The following ALG12 variants were observed in gnomAD, a reference collection of about 807,000 sequenced individuals.
The protein encoded by ALG12 is dol-P-Man:Man(7)GlcNAc(2)-PP-Dol alpha-1,6-mannosyltransferase.
Under a neutral mutation model 46.0 loss-of-function variants are expected in ALG12, and 36 were observed. The ratio of observed to expected loss-of-function variants is 0.78; its 90% CI spans 0.60 to 1.03. The LOEUF is 1.03. Among genes scored for constraint, ALG12 ranks in the 50% least tolerant of loss-of-function variants. The pLI is 0.00. For synonymous variants in ALG12, 326 were observed against 291.6 expected, an observed-to-expected ratio of 1.12 and a Z score of -1.20; for missense variants, 599 against 633.5, an observed-to-expected ratio of 0.95 and a Z score of 0.58.
the ALG12 span, among the ~76,000 whole-genome samples, chr22:49,873,302 C>G: frequency 6.6e-6 from 1 of 152,160 alleles, no homozygotes. Context: ...GAGGATTAAT[C>G]GGCCTAATTC....
the ALG12 span, among the ~76,000 whole-genome samples, chr22:49,875,413 ATTTTCTTTTTTT>A: frequency 6.7e-5 from 7 of 105,104 alleles, no homozygotes; most frequent in Non-Finnish European, 1.6e-4. Context: ...TGCATAATTT[ATTTTCTTTTTTT>A]TTTTCTTTTT....
intron 3 of ALG12, 102 bp downstream of exon 3, chr22:49,913,283 A>C: frequency 6.4e-7 from 1 of 1,562,754 alleles, no homozygotes; most frequent in Non-Finnish European, 8.7e-7. Flanking sequence ...AGGCAAGACT[A>C]ACAGACAGCG....
the ALG12 span, chr22:49,887,151 T>C: frequency 6.2e-7 from 1 of 1,613,034 alleles, no homozygotes; most frequent in Non-Finnish European, 8.5e-7. Context: ...TGAAAGTGAA[T>C]CTTCCCTTAA....
chr22:49,873,400 A>G, the ALG12 span, among the ~76,000 whole-genome samples: 3 of 152,342 alleles, frequency 2.0e-5, no homozygotes, highest in East Asian at 3.9e-4. Flanking sequence ...GTCAGGACAC[A>G]CATTTATCAG....
chr22:49,884,660 G>T, the ALG12 span: 1 of 1,611,780 alleles, frequency 6.2e-7, no homozygotes, highest in East Asian at 2.2e-5. Context: ...CACATGTGGA[G>T]GGCACACCGC....
the ALG12 span, chr22:49,886,109 C>T: frequency 2.5e-5 from 17 of 681,566 alleles, no homozygotes; most frequent in Middle Eastern, 2.5e-4. The surrounding 1 kb of genome is among the most constrained non-coding windows in gnomAD (Gnocchi z 7.7). Flanking sequence ...ATCGGGAAGA[C>T]GCTGAACGAG....
At chr22:49,899,563 T>C (rs1369510082), downstream of ALG12, among the ~76,000 whole-genome samples, 1 of 146,150 alleles carries the variant, frequency 6.8e-6, no homozygotes, top group African/African-American at 2.6e-5. Flanking sequence ...CTCTGTGGGG[T>C]TGCAAAATGG....
At chr22:49,896,784 T>C (rs1218376469), downstream of ALG12, among the ~76,000 whole-genome samples, 2 of 152,006 alleles carry the variant, frequency 1.3e-5, no homozygotes, top group Non-Finnish European at 2.9e-5. Context: ...TACAGGTGCC[T>C]GCCACCACGC....
intron 1 of ALG12, among the ~76,000 whole-genome samples, chr22:49,916,574 C>T (rs748761402): frequency 7.9e-5 from 12 of 151,920 alleles, no homozygotes; most frequent in East Asian, 3.9e-4. Context: ...AGCCAGACTC[C>T]GTCTCAAAAA....
chr22:49,871,656 T>C, the ALG12 span, among the ~76,000 whole-genome samples: 1 of 152,126 alleles, frequency 6.6e-6, no homozygotes, highest in Non-Finnish European at 1.5e-5. Flanking sequence ...GATGTTGCCT[T>C]GGTGTCCAGG....
At chr22:49,879,647 C>T in the ALG12 span, among the ~76,000 whole-genome samples, 1 of 110,238 alleles carries the variant, frequency 9.1e-6, no homozygotes, top group Admixed American at 1.0e-4. Context: ...GGGCGTGTTT[C>T]TATTGGTTGG....
At chr22:49,885,394 G>C in the ALG12 span, 1 of 1,598,338 alleles carries the variant, frequency 6.3e-7, no homozygotes, top group African/African-American at 1.3e-5. Flanking sequence ...CACAAAAGTC[G>C]TGTGCTTGCA....
the ALG12 span, among the ~76,000 whole-genome samples, chr22:49,892,415 C>T: frequency 6.6e-6 from 1 of 152,216 alleles, no homozygotes; most frequent in Admixed American, 6.5e-5. Context: ...GGCAGCAACA[C>T]ACAAGCTGTC....
chr22:49,887,020 A>C, the ALG12 span: 3 of 1,614,160 alleles, frequency 1.9e-6, no homozygotes, highest in Admixed American at 5.0e-5. Flanking sequence ...GCTGGCCGTC[A>C]GATTTTTGGG....
At chr22:49,884,935 G>A in the ALG12 span, 3 of 1,607,878 alleles carry the variant, frequency 1.9e-6, no homozygotes, top group Non-Finnish European at 2.5e-6. Context: ...GGAGGCCTCG[G>A]CGTCCTCTCC....
the ALG12 span, among the ~76,000 whole-genome samples, chr22:49,862,956 C>G: frequency 6.6e-6 from 1 of 152,104 alleles, no homozygotes; most frequent in Non-Finnish European, 1.5e-5. Flanking sequence ...CCTGCCTCAG[C>G]CTCCCAAAAT....
chr22:49,915,622 G>A (rs1054989908), intron 1 of ALG12, among the ~76,000 whole-genome samples: 7 of 152,084 alleles, frequency 4.6e-5, no homozygotes, highest in Non-Finnish European at 1.0e-4. Context: ...AAAGAGAAAG[G>A]TCGAAGGACT....
the ALG12 span, among the ~76,000 whole-genome samples, chr22:49,881,246 G>A: frequency 5.3e-5 from 8 of 152,370 alleles, no homozygotes; most frequent in East Asian, 1.5e-3. Flanking sequence ...CTACTTGGGA[G>A]GCTGAGGCAG....
downstream of ALG12, among the ~76,000 whole-genome samples, chr22:49,898,276 G>A (rs2060491569): frequency 2.0e-5 from 3 of 150,696 alleles, no homozygotes; most frequent in South Asian, 6.4e-4. Flanking sequence ...CCAAAGTACT[G>A]GGATCGCAGG....
Sources: allele counts gnomAD v4.1 joint callset (sites outside exome capture counted in the v4.1 genomes callset), GRCh38; gene constraint gnomAD v4.1.1; non-coding constraint Gnocchi (gnomAD v3.1); transcripts MANE v1.5; gene names NCBI Gene and HGNC (gene_info 2026-07-23, HGNC 2026-07-21).